Variants in EPRS1 observed in about 807,000 individuals in gnomAD.
EPRS1 encodes the protein bifunctional glutamate/proline--tRNA ligase.
Under a neutral mutation model 188.3 loss-of-function variants are expected in EPRS1, and 107 were observed. The ratio of observed to expected loss-of-function variants is 0.57; its 90% CI spans 0.49 to 0.67. The LOEUF is 0.67. EPRS1 is among the 30% of genes least tolerant of loss of function. EPRS1 has a pLI of 0.00. For synonymous variants in EPRS1, 596 were observed against 593.1 expected (o/e 1.00, Z -0.07); for missense variants, 1,577 against 1,802.2 (o/e 0.88, Z 2.26).
Position 219,988,747 on chromosome 1 carries a change from A to G in EPRS1, c.2618T>C (p.Ile873Thr). 1.2e-6 allele frequency: 2 copies of G among 1,613,920 alleles called. No homozygotes were observed. Among genetic ancestry groups the G allele is most frequent in the Non-Finnish European group, 1.7e-6 (2 of 1,179,840 alleles). The change falls in exon 19 of 32, where the codon ATA (isoleucine) becomes ACA (threonine). Residue 873 changes from isoleucine to threonine, a missense_variant. Physicochemically the swap from Ile to Thr is moderately conservative, Grantham distance 89. Coordinates refer to ENST00000366923, the MANE Select transcript of EPRS1 (RefSeq NM_004446.3). ...QYKEKTGKEY[I>T]PGQPPLSQSS... ...TTGAGATAATGGGGGCTGACCAGGT[A>G]TGTACTCCTTCCCAGTTTTTTCTTT... is the stretch of plus-strand genomic sequence containing the variant.
chr1:219,990,958 A>G (rs1044310672), intron 18 of EPRS1, among the ~76,000 whole-genome samples: 1 of 152,180 alleles, frequency 6.6e-6, no homozygotes, highest in African/African-American at 2.4e-5. Flanking sequence ...TACAAACAGA[A>G]AAGGTTTTCA....
intron 14 of EPRS1, among the ~76,000 whole-genome samples, chr1:220,006,612 A>G (rs1661492652): frequency 6.6e-6 from 1 of 152,184 alleles, no homozygotes; most frequent in African/African-American, 2.4e-5. Flanking sequence ...TTATTAACTT[A>G]AAGTCACCTG....
chr1:220,022,807 G>A (rs924444335), intron 8 of EPRS1, among the ~76,000 whole-genome samples: 1 of 152,230 alleles, frequency 6.6e-6, no homozygotes, highest in Non-Finnish European at 1.5e-5. Context: ...TACAAGGCCT[G>A]AAGGCTCCGC....
intron 29 of EPRS1, among the ~76,000 whole-genome samples, chr1:219,972,894 T>G (rs1040540959): frequency 7.2e-5 from 11 of 152,302 alleles, no homozygotes; most frequent in African/African-American, 2.2e-4. Flanking sequence ...GGCACTGGTA[T>G]TTACTAAAGC....
At chr1:220,003,808 A>G (rs540926826) in intron 16 of EPRS1, among the ~76,000 whole-genome samples, 1 of 152,322 alleles carries the variant, frequency 6.6e-6, no homozygotes, top group East Asian at 1.9e-4. Context: ...AGGAAATGTG[A>G]TATTAAAATG....
rs1661438185 is a variant in EPRS1 at position 220,005,351 on chromosome 1, G to A, written c.1960C>T (p.Leu654=). The A allele has an allele frequency of 6.6e-7, 1 of 1,517,018 alleles. No individual in the cohort carries two copies. The highest frequency in any genetic ancestry group is 1.2e-5 in the South Asian group (1 of 83,336). 94.0% of individuals were successfully genotyped at this position (1,517,018 alleles called of 1,614,324 possible). A position where few individuals can be genotyped will look rare whatever the true frequency, so the allele number is the denominator to read the frequency against. The change falls in exon 16 of 32, where the codon CTA becomes TTA. Residue 654 remains leucine (L), a synonymous_variant. Transcript: ENST00000366923. ...TTAAGGCAGGGATCCCCTAGCATTA[G>A]CTCTTCATGCTGTAAAGATGATATA... ...YVNKNSKHEE[L]MLGDPCLKDL...
chr1:220,036,905 A>T (rs1662191906), intron 2 of EPRS1, among the ~76,000 whole-genome samples: 3 of 151,122 alleles, frequency 2.0e-5, no homozygotes. Flanking sequence ...TACTAAAAAA[A>T]GAGTATCCAG....
rs918130018 is a variant in EPRS1, at chr1:219,978,457, G to A, written c.4083+89C>T. 1.0e-5 allele frequency: 10 copies of A among 991,936 alleles called. No individual in the cohort carries two copies. In the African/African-American group the frequency reaches 1.3e-4, roughly 13 times the overall value. 61.4% of individuals were successfully genotyped at this position (991,936 alleles called of 1,614,324 possible). On this transcript the variant is annotated intron_variant, in intron 28 of 31. Coordinates refer to ENST00000366923, the MANE Select transcript of EPRS1 (RefSeq NM_004446.3). ...AACTATCAAAATAGAGGAAAGTAAT[G>A]AGAAACCTCGTTTTATAAAAACATG...
At chr1:219,988,200 A>C (rs1221590199) in intron 19 of EPRS1, among the ~76,000 whole-genome samples, 1 of 152,168 alleles carries the variant, frequency 6.6e-6, no homozygotes, top group Non-Finnish European at 1.5e-5. Context: ...CTCAAAATAA[A>C]ACCTACTATT....
At chr1:219,995,052 T>C (rs540197539) in intron 18 of EPRS1, among the ~76,000 whole-genome samples, 5 of 152,314 alleles carry the variant, frequency 3.3e-5, no homozygotes, top group African/African-American at 1.2e-4. Flanking sequence ...TAAGACTTAC[T>C]ATATTTTGAA....
chr1:220,020,883 GCTTT>G lies in EPRS1; in HGVS notation c.1116-666_1116-663del, dbSNP rs1365017560. 6.8e-5 allele frequency among the ~76,000 whole-genome samples: 7 copies of G among 103,446 alleles called. No individual in the cohort carries two copies. In the East Asian group the frequency reaches 1.9e-3, roughly 29 times the overall value. The allele number at this position is 103,446 out of a possible 152,430, so 67.9% of individuals were successfully genotyped here. ...ATATATATATATATTAGTGCATTAT[GCTTT>G]CTTTCTTTTTTTTTGGAGACAGTCT... On this transcript the variant is annotated intron_variant, in intron 9 of 31. Coordinates refer to ENST00000366923, the MANE Select transcript of EPRS1 (RefSeq NM_004446.3).
At chr1:219,996,127 AC>A (rs1188905249) in intron 18 of EPRS1, among the ~76,000 whole-genome samples, 2 of 152,222 alleles carry the variant, frequency 1.3e-5, no homozygotes, top group Non-Finnish European at 2.9e-5. Flanking sequence ...CACAGTCTAT[AC>A]AGATGCCATT....
intron 14 of EPRS1, among the ~76,000 whole-genome samples, chr1:220,006,714 G>C (rs1661494546): frequency 6.6e-6 from 1 of 152,130 alleles, no homozygotes; most frequent in Non-Finnish European, 1.5e-5. Context: ...TAAGATTTCA[G>C]AGTTTGCATA....
At chr1:220,045,242 G>A (rs900283955) in intron 1 of EPRS1, among the ~76,000 whole-genome samples, 8 of 152,204 alleles carry the variant, frequency 5.3e-5, no homozygotes, top group African/African-American at 1.9e-4. Context: ...GCTCACGCCT[G>A]TAATCCTAGT....
At chr1:220,008,562 A>G (rs1216925113) in intron 13 of EPRS1, among the ~76,000 whole-genome samples, 1 of 152,240 alleles carries the variant, frequency 6.6e-6, no homozygotes, top group South Asian at 2.1e-4. Flanking sequence ...TAAATAAAAA[A>G]TACTTTGCGA....
At chr1:219,978,226 CTT>C (rs958449767) in intron 28 of EPRS1, among the ~76,000 whole-genome samples, 3 of 152,104 alleles carry the variant, frequency 2.0e-5, no homozygotes, top group African/African-American at 7.2e-5. Flanking sequence ...ATGTAAATAA[CTT>C]ATTTATTTTA....
chr1:220,010,822 A>AG (rs111370390), intron 13 of EPRS1, 124 bp downstream of exon 13: 47,286 of 457,468 alleles, frequency 0.1, 3,392 homozygotes, highest in African/African-American at 0.34. Context: ...AAAAAAAAAA[A>AG]AAAGAAAGAA....
At position 220,010,808 on chromosome 1, in the gene EPRS1, C is replaced by CAA. The variant is rs34170326; in HGVS notation, c.1605+136_1605+137dup. ...CTGGAGACATAGCAAGACTACGTCT[C>CAA]AAAAAAAAAAAAAAAAAGAAAGAAA... On this transcript the variant is annotated intron_variant, in intron 13 of 31. Coordinates refer to ENST00000366923, the MANE Select transcript of EPRS1 (RefSeq NM_004446.3). 2.1e-3 allele frequency: 850 copies of CAA among 411,506 alleles called. 3 individuals are homozygous for CAA. The highest frequency in any genetic ancestry group is 0.014 in the African/African-American group (634 of 44,230). The allele number at this position is 411,506 out of a possible 1,614,324, so 25.5% of individuals were successfully genotyped here. A position where few individuals can be genotyped will look rare whatever the true frequency, so the allele number is the denominator to read the frequency against.
intron 1 of EPRS1, among the ~76,000 whole-genome samples, chr1:220,041,771 C>T (rs1232117666): frequency 4.0e-5 from 6 of 151,512 alleles, no homozygotes; most frequent in Non-Finnish European, 5.9e-5. Flanking sequence ...ACCTGGGAGG[C>T]GGAGATTGTG....
Sources: allele counts gnomAD v4.1 joint callset (sites outside exome capture counted in the v4.1 genomes callset), GRCh38; gene constraint gnomAD v4.1.1; transcripts MANE v1.5; gene names NCBI Gene and HGNC (gene_info 2026-07-23, HGNC 2026-07-21).